Variants in DPP10 observed in about 807,000 individuals in gnomAD.
DPP10 encodes inactive dipeptidyl peptidase 10.
A neutral mutation model predicts 120.9 loss-of-function variants in DPP10; 33 were observed. That is an observed-to-expected ratio of 0.27 (90% CI 0.21 to 0.37). DPP10 has a LOEUF of 0.37. Ranked by LOEUF, DPP10 falls within the 10% of genes least tolerant of loss-of-function variation. The pLI, the probability that DPP10 is intolerant of heterozygous loss-of-function variation, is 1.00. For missense variants in DPP10, 816 were observed against 942.8 expected, an observed-to-expected ratio of 0.87 and a Z score of 1.76; for synonymous variants, 337 against 326.1, an observed-to-expected ratio of 1.03 and a Z score of -0.36.
intron 1 of DPP10, among the ~76,000 whole-genome samples, chr2:114,840,246 T>A (rs1168216552): frequency 6.6e-6 from 1 of 152,220 alleles, no homozygotes; most frequent in Admixed American, 6.5e-5. Context: ...TTTTGTTTTA[T>A]GTTTTTGAAA....
At chr2:115,773,015 T>C (rs1220057135) in intron 13 of DPP10, among the ~76,000 whole-genome samples, 1 of 152,154 alleles carries the variant, frequency 6.6e-6, no homozygotes, top group Non-Finnish European at 1.5e-5. Context: ...AGTGGCATTA[T>C]TCACTACAAA....
chr2:114,867,116 T>C (rs1050379165), intron 1 of DPP10, among the ~76,000 whole-genome samples: 4 of 152,186 alleles, frequency 2.6e-5, no homozygotes, highest in African/African-American at 9.7e-5. Flanking sequence ...CTTTGCTTAC[T>C]TCTGGCTTAA....
intron 1 of DPP10, among the ~76,000 whole-genome samples, chr2:115,137,391 T>C (rs530017802): frequency 9.2e-5 from 14 of 152,230 alleles, no homozygotes; most frequent in African/African-American, 3.4e-4. Flanking sequence ...TGAGGAAGGG[T>C]TGCCCCTTGA....
chr2:114,981,149 CT>C (rs1473415725), intron 1 of DPP10, among the ~76,000 whole-genome samples: 1 of 152,056 alleles, frequency 6.6e-6, no homozygotes, highest in Admixed American at 6.6e-5. Flanking sequence ...AATCCAATAA[CT>C]GATAAACTCT....
chr2:114,469,860 A>G (rs184637075), intron 1 of DPP10, among the ~76,000 whole-genome samples: 1 of 152,340 alleles, frequency 6.6e-6, no homozygotes, highest in Non-Finnish European at 1.5e-5. Context: ...AGCTGCACAG[A>G]GCAGAGGCCC....
intron 1 of DPP10, chr2:115,162,072 C>G: frequency 1.4e-6 from 2 of 1,473,246 alleles, no homozygotes; most frequent in East Asian, 2.9e-5. Flanking sequence ...GGAGGGGTGG[C>G]TCCAGTGCGC....
intron 1 of DPP10, among the ~76,000 whole-genome samples, chr2:115,153,102 G>T (rs1167988090): frequency 1.3e-5 from 2 of 152,128 alleles, no homozygotes; most frequent in African/African-American, 4.8e-5. Flanking sequence ...AAGCATGCTT[G>T]TTTTTTGTTC....
chr2:114,725,043 A>T (rs540095811), intron 1 of DPP10, among the ~76,000 whole-genome samples: 1 of 152,174 alleles, frequency 6.6e-6, no homozygotes. Flanking sequence ...TCTGTAAACC[A>T]ACAAAAATTC....
intron 5 of DPP10, among the ~76,000 whole-genome samples, chr2:115,526,674 T>C (rs2078151007): frequency 1.3e-5 from 2 of 152,100 alleles, no homozygotes; most frequent in African/African-American, 4.8e-5. Flanking sequence ...TGATTGGAAA[T>C]CATTCAAGGA....
intron 1 of DPP10, among the ~76,000 whole-genome samples, chr2:114,642,263 A>G (rs1340474022): frequency 5.3e-5 from 8 of 151,710 alleles, no homozygotes; most frequent in Non-Finnish European, 8.8e-5. Context: ...CAGTCATGAA[A>G]AGAAGCCTAT....
At position 114,663,672 on chromosome 2, in the gene DPP10, G is replaced by T. The variant is rs867507236; in HGVS notation, c.60+220834G>T. 5.3e-3 allele frequency among the ~76,000 whole-genome samples: 672 copies of T among 127,292 alleles called. 2 individuals carry two copies. The highest frequency in any genetic ancestry group is 7.1e-3 in the Non-Finnish European group (456 of 64,104). 83.5% of individuals were successfully genotyped at this position (127,292 alleles called of 152,430 possible). A position where few individuals can be genotyped will look rare whatever the true frequency, so the allele number is the denominator to read the frequency against. The stretch of plus-strand genomic sequence containing the variant: ...ATATATATATATATATATATATAGA[G>T]AGAGAGAGAGAGAGAGAGAGAGAGA... On this transcript the variant is annotated intron_variant, in intron 1 of 25. Coordinates refer to ENST00000410059, the MANE Select transcript of DPP10 (RefSeq NM_020868.6).
chr2:115,822,301 A>T (rs1687891775), intron 21 of DPP10, among the ~76,000 whole-genome samples: 1 of 151,944 alleles, frequency 6.6e-6, no homozygotes, highest in Non-Finnish European at 1.5e-5. Context: ...TTTAATTGAG[A>T]TATAATTGAC....
intron 1 of DPP10, among the ~76,000 whole-genome samples, chr2:115,099,224 G>A (rs1486365687): frequency 6.6e-6 from 1 of 152,126 alleles, no homozygotes. Context: ...TGAGGCAGGA[G>A]AATCACTTGA....
In DPP10 at chr2:115,780,976, T is replaced by C. The variant is rs766477738; in HGVS notation, c.1464T>C (p.His488=). 2 of 1,588,428 alleles carry C rather than the reference T, an allele frequency of 1.3e-6. No individual in the cohort carries two copies. The highest frequency in any genetic ancestry group is 2.7e-5 in the African/African-American group (2 of 74,440). Residue 488 remains histidine, a synonymous_variant, in exon 16 of 26, where the codon CAT becomes CAC. Coordinates refer to ENST00000410059, the MANE Select transcript of DPP10 (RefSeq NM_020868.6). ...CCAGTTTTAGTCCCATGAATCAACA[T>C]TTCTTATTATTCTGTGAAGGTAAGA... ...FDASFSPMNQ[H]FLLFCEGPRV... is the part of the protein sequence containing the mutation.
In DPP10 at chr2:114,544,692, G is replaced by A. The variant is rs183596001; in HGVS notation, c.60+101854G>A. Among the ~76,000 whole-genome samples, 806 of 151,106 alleles carry A rather than the reference G, an allele frequency of 5.3e-3. 7 individuals are homozygous for A. Among genetic ancestry groups the A allele is most frequent in the African/African-American group, 0.017 (709 of 40,750 alleles). On this transcript the variant is annotated intron_variant, in intron 1 of 25. Coordinates refer to ENST00000410059, the MANE Select transcript of DPP10 (RefSeq NM_020868.6). Reference sequence around the variant, plus strand: ...ATATATTAAAATTTATACATTAAGCGTAATAATTAAGTGCTCAATTTATTG... The same window carrying A: ...ATATATTAAAATTTATACATTAAGCATAATAATTAAGTGCTCAATTTATTG...
intron 7 of DPP10, 138 bp from the exon 8 acceptor site, chr2:115,727,678 C>A: frequency 1.1e-6 from 1 of 891,516 alleles, no homozygotes. Flanking sequence ...GCAATAAAAA[C>A]ATATGCCTTG....
intron 16 of DPP10, 89 bp from the exon 17 acceptor site, chr2:115,782,263 T>C: frequency 8.7e-6 from 10 of 1,146,298 alleles, no homozygotes; most frequent in Non-Finnish European, 1.3e-5. Flanking sequence ...GTGCTTCCAT[T>C]TGGGGGGAAA....
intron 1 of DPP10, among the ~76,000 whole-genome samples, 187 bp from the exon 2 acceptor site, chr2:115,309,052 G>A (rs13428946): frequency 6.6e-6 from 1 of 152,036 alleles, no homozygotes; most frequent in Non-Finnish European, 1.5e-5. Flanking sequence ...AGAGAGAGCA[G>A]ATTGTCCCCC....
chr2:114,470,571 C>T lies in DPP10; in HGVS notation c.60+27733C>T, dbSNP rs1440802854. On this transcript the variant is annotated intron_variant, in intron 1 of 25. Coordinates refer to ENST00000410059, the MANE Select transcript of DPP10 (RefSeq NM_020868.6). ...GATTGGAGATGAGAAGGGGTAATAT[C>T]GACAATCTCATTTTCTCCTTAATTT... Among the ~76,000 whole-genome samples the T allele has an allele frequency of 2.0e-5, 3 of 152,044 alleles. No homozygotes were observed. In the East Asian group the frequency reaches 5.8e-4, roughly 29 times the overall value.
Sources: allele counts gnomAD v4.1 joint callset (sites outside exome capture counted in the v4.1 genomes callset), GRCh38; gene constraint gnomAD v4.1.1; transcripts MANE v1.5; gene names NCBI Gene and HGNC (gene_info 2026-07-23, HGNC 2026-07-21).